The following PAK3 variants were observed in gnomAD, a reference collection of about 807,000 sequenced individuals.
PAK3 encodes the protein p21 (RAC1) activated kinase 3, also known as serine/threonine-protein kinase PAK 3.
PAK3 carries 4 observed loss-of-function variants against 41.0 expected under a neutral mutation model. The observed-to-expected ratio is 0.10, with a 90% CI of 0.05 to 0.22. PAK3 has a LOEUF of 0.22. Among genes scored for constraint, PAK3 ranks in the 10% least tolerant of loss-of-function variants. PAK3 has a pLI of 1.00. For synonymous variants in PAK3, 146 were observed against 139.6 expected, an observed-to-expected ratio of 1.05 and a Z score of -0.32; for missense variants, 205 against 409.9, an observed-to-expected ratio of 0.50 and a Z score of 4.32.
chrX:111,194,542 G>A (rs2094593158), intron 14 of PAK3, 124 bp downstream of exon 14: 1 of 553,583 alleles, frequency 1.8e-6, no homozygotes, highest in South Asian at 2.4e-5. Context: ...GAAAACAATT[G>A]GAGAGGCCAA....
chrX:111,137,705 T>C (rs777024544), intron 5 of PAK3, among the ~76,000 whole-genome samples: 1 of 111,532 alleles, frequency 9.0e-6, no homozygotes, highest in African/African-American at 3.2e-5. Flanking sequence ...CTGGAGAGAT[T>C]AGCTAGCCCC....
intron 16 of PAK3, among the ~76,000 whole-genome samples, chrX:111,210,736 C>T (rs1225850080): frequency 8.9e-6 from 1 of 111,829 alleles, no homozygotes. Flanking sequence ...GGCTCACAAT[C>T]TAGGAAGGAA....
chrX:111,001,888 T>C lies in PAK3; in HGVS notation c.-28+57260T>C, dbSNP rs1460686979. Among the ~76,000 whole-genome samples the C allele has an allele frequency of 2.7e-5, 3 of 109,884 alleles. No individual in the cohort carries two copies. The Admixed American group carries it at 2.9e-4, about 11-fold the overall frequency. ...TTCATGGGAGGCTTGGTGACAGCAATGTTGTTTTAGGAACATCTTTGACCA... is the reference window on the plus strand; with the variant it reads ...TTCATGGGAGGCTTGGTGACAGCAACGTTGTTTTAGGAACATCTTTGACCA... On this transcript the variant is annotated intron_variant, in intron 1 of 14. Transcript: ENST00000425146.
At chrX:111,205,029 G>A (rs2094729745) in intron 16 of PAK3, among the ~76,000 whole-genome samples, 2 of 101,939 alleles carry the variant, frequency 2.0e-5, no homozygotes, top group African/African-American at 7.3e-5. Context: ...TCTACCAACT[G>A]TTCGCATTAT....
chrX:111,177,636 G>A (rs927784208), intron 11 of PAK3, among the ~76,000 whole-genome samples: 4 of 112,036 alleles, frequency 3.6e-5, no homozygotes, highest in Non-Finnish European at 7.5e-5. Flanking sequence ...GCGCACTTGA[G>A]AATCTTCACT....
In PAK3 at chrX:111,220,391, A is replaced by G. The variant is rs200474454; in HGVS notation, c.1579A>G (p.Ser527Gly). The G allele has an allele frequency of 2.1e-4, 253 of 1,203,860 alleles. No homozygotes were observed. The highest frequency in any genetic ancestry group is 2.2e-4 in the Non-Finnish European group (196 of 890,073). The change falls in exon 18 of 18, where the codon AGC (serine) becomes GGC (glycine). Residue 527 changes from serine to glycine, a missense_variant. Ser to Gly is a moderately conservative substitution (Grantham distance 56, BLOSUM62 0). Coordinates refer to ENST00000372007, the MANE Select transcript of PAK3 (RefSeq NM_002578.5). ...TTTAAAATTAGCCAAGCCTCTCTCC[A>G]GCCTGACTCCTCTGATTATCGCTGC... The part of the protein sequence containing the change: ...PFLKLAKPLS[S>G]LTPLIIAAKE...
intron 1 of PAK3, among the ~76,000 whole-genome samples, chrX:111,077,920 A>T (rs920637303): frequency 3.6e-5 from 4 of 111,974 alleles, no homozygotes; most frequent in African/African-American, 1.3e-4. Flanking sequence ...TGAGGGATTA[A>T]TATCCAAAAT....
intron 1 of PAK3, among the ~76,000 whole-genome samples, chrX:111,063,138 C>T (rs1468672254): frequency 8.9e-6 from 1 of 112,238 alleles, no homozygotes; most frequent in Non-Finnish European, 1.9e-5. Flanking sequence ...CAAAGTGTTC[C>T]TTAGTCCAGT....
At chrX:111,067,479 G>T (rs915233202) in intron 1 of PAK3, among the ~76,000 whole-genome samples, 2 of 111,560 alleles carry the variant, frequency 1.8e-5, no homozygotes, top group Non-Finnish European at 3.8e-5. Context: ...AACTAAGGCA[G>T]TCTGACTCCA....
At chrX:111,014,368 T>C (rs190175557) in intron 1 of PAK3, among the ~76,000 whole-genome samples, 68 of 111,264 alleles carry the variant, frequency 6.1e-4, no homozygotes, top group African/African-American at 2.2e-3. Context: ...GATCCCAAAA[T>C]GTAAAGCAGA....
chrX:111,045,870 G>A (rs948737637), intron 1 of PAK3, among the ~76,000 whole-genome samples: 4 of 111,672 alleles, frequency 3.6e-5, no homozygotes, highest in African/African-American at 1.3e-4. Flanking sequence ...GCTGATGTTG[G>A]TCTGGGGCTC....
chrX:111,015,357 C>G (rs767454227), intron 1 of PAK3, among the ~76,000 whole-genome samples: 3 of 111,284 alleles, frequency 2.7e-5, no homozygotes, highest in Non-Finnish European at 5.7e-5. Context: ...TGTTGATGGA[C>G]ACTTGGGTTG....
intron 16 of PAK3, among the ~76,000 whole-genome samples, chrX:111,209,625 C>A (rs1309245678): frequency 8.9e-6 from 1 of 112,063 alleles, no homozygotes; most frequent in Non-Finnish European, 1.9e-5. Flanking sequence ...GTTTGTACTG[C>A]ACCCTATCCT....
At chrX:110,972,855 A>G (rs2091241066) in intron 1 of PAK3, among the ~76,000 whole-genome samples, 1 of 111,701 alleles carries the variant, frequency 9.0e-6, no homozygotes, top group Non-Finnish European at 1.9e-5. Flanking sequence ...TAAACAGTGT[A>G]GAGAAGACCT....
intron 6 of PAK3, among the ~76,000 whole-genome samples, chrX:111,143,491 A>G (rs922164159): frequency 9.0e-6 from 1 of 111,100 alleles, no homozygotes; most frequent in African/African-American, 3.3e-5. Context: ...AAGTGGAGAT[A>G]GGTAAGATTT....
chrX:111,157,573 C>A (rs2094122899), intron 8 of PAK3, among the ~76,000 whole-genome samples: 1 of 110,661 alleles, frequency 9.0e-6, no homozygotes, highest in Non-Finnish European at 1.9e-5. Context: ...GGCGGATCAC[C>A]TGAGGTCAGG....
At chrX:110,946,841 A>C (rs759128235) in intron 1 of PAK3, among the ~76,000 whole-genome samples, 1 of 112,782 alleles carries the variant, frequency 8.9e-6, no homozygotes, top group South Asian at 3.7e-4. Flanking sequence ...AATAGAAACT[A>C]ACCTGAACGG....
chrX:111,164,202 C>T (rs1029320296), intron 10 of PAK3, among the ~76,000 whole-genome samples: 3 of 110,821 alleles, frequency 2.7e-5, no homozygotes, highest in African/African-American at 6.6e-5. Flanking sequence ...TAGTAGCTTC[C>T]TTCCACAATG....
intron 1 of PAK3, among the ~76,000 whole-genome samples, chrX:110,964,132 A>C (rs991975898): frequency 8.9e-6 from 1 of 111,860 alleles, no homozygotes; most frequent in Admixed American, 9.4e-5. Flanking sequence ...CATTGTTACT[A>C]TTATTTTTGC....
Sources: allele counts gnomAD v4.1 joint callset (sites outside exome capture counted in the v4.1 genomes callset), GRCh38; gene constraint gnomAD v4.1.1; transcripts MANE v1.5; gene names NCBI Gene and HGNC (gene_info 2026-07-23, HGNC 2026-07-21).